ZFAND3: variants seen among roughly 807,000 people sequenced by gnomAD.
The protein encoded by ZFAND3 is zinc finger AN1-type containing 3, also known as AN1-type zinc finger protein 3.
Under a neutral mutation model 29.6 loss-of-function variants are expected in ZFAND3, and 10 were observed. The ratio of observed to expected loss-of-function variants is 0.34; its 90% CI spans 0.21 to 0.57. The LOEUF is 0.57. Ranked by LOEUF, ZFAND3 falls within the 20% of genes least tolerant of loss-of-function variation. The pLI is 0.86. For missense variants in ZFAND3, 230 were observed against 304.5 expected (o/e 0.76, Z 1.82); for synonymous variants, 128 against 112.6 (o/e 1.14, Z -0.87).
chr6:38,024,104 C>G (rs1763401367), intron 2 of ZFAND3, among the ~76,000 whole-genome samples: 1 of 152,126 alleles, frequency 6.6e-6, no homozygotes, highest in South Asian at 2.1e-4. Context: ...TTCAGTATTC[C>G]TTTCTTTAAA....
chr6:38,049,512 C>T (rs1406672417), intron 2 of ZFAND3, among the ~76,000 whole-genome samples: 1 of 152,196 alleles, frequency 6.6e-6, no homozygotes, highest in Non-Finnish European at 1.5e-5. Flanking sequence ...TACACACACC[C>T]TACTGGGACA....
chr6:38,077,584 G>T (rs374545937), intron 3 of ZFAND3, among the ~76,000 whole-genome samples: 2 of 152,118 alleles, frequency 1.3e-5, no homozygotes, highest in Non-Finnish European at 2.9e-5. Context: ...GACCAATTCC[G>T]TGGTAGTCTA....
Position 37,981,612 on chromosome 6 carries a change from T to C in ZFAND3, c.112+51613T>C, listed in dbSNP as rs1762580618. On this transcript the variant is annotated intron_variant, in intron 2 of 5. Transcript: ENST00000287218. ...ATTTAAAATTTGTAATATGTAAATATATATGTGTATGTTTTTGATGGGAAA... is the reference window on the plus strand; with the variant it reads ...ATTTAAAATTTGTAATATGTAAATACATATGTGTATGTTTTTGATGGGAAA... 2.0e-5 allele frequency among the ~76,000 whole-genome samples: 3 copies of C among 152,178 alleles called. 1 individual carries two copies. In the South Asian group the frequency reaches 6.2e-4, roughly 32 times the overall value.
intron 1 of ZFAND3, among the ~76,000 whole-genome samples, chr6:37,835,356 C>T (rs995953205): frequency 8.6e-5 from 13 of 151,930 alleles, no homozygotes; most frequent in African/African-American, 2.4e-4. Flanking sequence ...AGGGTTTCAC[C>T]ATGTTGCCCA....
chr6:37,979,634 T>C (rs1478521685), intron 2 of ZFAND3, among the ~76,000 whole-genome samples: 1 of 152,234 alleles, frequency 6.6e-6, no homozygotes, highest in Non-Finnish European at 1.5e-5. Flanking sequence ...ACAGGCACTA[T>C]TCCTTGCCCT....
intron 1 of ZFAND3, among the ~76,000 whole-genome samples, chr6:37,860,846 G>A (rs1006309908): frequency 2.5e-4 from 38 of 151,984 alleles, no homozygotes; most frequent in Middle Eastern, 3.4e-3. Flanking sequence ...GCACTGATAG[G>A]TGTTGAGGTG....
intron 2 of ZFAND3, among the ~76,000 whole-genome samples, chr6:38,041,825 C>T (rs376685237): frequency 0.014 from 28 of 1,964 alleles, 14 homozygotes; most frequent in Non-Finnish European, 0.12. Context: ...TTCTTCTCCT[C>T]CTTTTTTTTT....
In ZFAND3 at chr6:37,860,655, T is replaced by TTG. The variant is rs1554149733; in HGVS notation, c.71+40640_71+40641insGT. On this transcript the variant is annotated intron_variant, in intron 1 of 5. Coordinates refer to ENST00000287218, the MANE Select transcript of ZFAND3 (RefSeq NM_021943.3). ...TCACTTAGTTTTTTTTTTTTTTTTTTTTAAGTAGGTTTAGATTTTAGTTAA... is the reference window on the plus strand; with the variant it reads ...TCACTTAGTTTTTTTTTTTTTTTTTTTGTTAAGTAGGTTTAGATTTTAGTTAA... 0.016 allele frequency among the ~76,000 whole-genome samples: 2,360 copies of TTG among 144,412 alleles called. 139 individuals are homozygous for TTG. In the East Asian group the frequency reaches 0.24, roughly 15 times the overall value. 94.7% of individuals were successfully genotyped at this position (144,412 alleles called of 152,430 possible).
At chr6:38,112,933 C>T (rs977762533) in intron 4 of ZFAND3, among the ~76,000 whole-genome samples, 3 of 152,052 alleles carry the variant, frequency 2.0e-5, no homozygotes, top group Non-Finnish European at 4.4e-5. Context: ...GAGAAAATGC[C>T]GGAGAATGGT....
chr6:37,894,912 G>A (rs1330532941), intron 1 of ZFAND3, among the ~76,000 whole-genome samples: 1 of 152,012 alleles, frequency 6.6e-6, no homozygotes, highest in Non-Finnish European at 1.5e-5. Flanking sequence ...TGATTTTCCT[G>A]GCTGCTTTTA....
chr6:37,835,809 G>A (rs868546896), intron 1 of ZFAND3, among the ~76,000 whole-genome samples: 5 of 151,972 alleles, frequency 3.3e-5, no homozygotes, highest in Non-Finnish European at 7.4e-5. Context: ...TTCAGTTAAC[G>A]TATCTTGGAA....
intron 2 of ZFAND3, among the ~76,000 whole-genome samples, chr6:38,005,175 C>T (rs1763027496): frequency 6.6e-6 from 1 of 152,112 alleles, no homozygotes; most frequent in Non-Finnish European, 1.5e-5. Context: ...TCTTTAGTGC[C>T]ATTTCAAACC....
chr6:38,105,096 C>CA (rs1765181293), intron 4 of ZFAND3, among the ~76,000 whole-genome samples: 1 of 152,190 alleles, frequency 6.6e-6, no homozygotes, highest in African/African-American at 2.4e-5. Context: ...GTTGTAACAC[C>CA]AAAATGAGTT....
chr6:38,044,985 A>T (rs923757751), intron 2 of ZFAND3, among the ~76,000 whole-genome samples: 1 of 152,008 alleles, frequency 6.6e-6, no homozygotes, highest in Non-Finnish European at 1.5e-5. Context: ...TAGATCTGTT[A>T]CTTAGACTTG....
intron 2 of ZFAND3, among the ~76,000 whole-genome samples, chr6:38,043,389 C>T (rs896119860): frequency 1.3e-5 from 2 of 151,014 alleles, no homozygotes; most frequent in African/African-American, 2.4e-5. Flanking sequence ...CTCCCCCTCT[C>T]CTCTGCTCCC....
intron 1 of ZFAND3, among the ~76,000 whole-genome samples, chr6:37,837,619 G>A (rs779327941): frequency 4.0e-5 from 6 of 151,320 alleles, no homozygotes; most frequent in Non-Finnish European, 5.9e-5. Context: ...ATTCTCCTGC[G>A]TCAGCCTCCC....
intron 5 of ZFAND3, among the ~76,000 whole-genome samples, chr6:38,138,570 T>C (rs2127494231): frequency 6.6e-6 from 1 of 152,346 alleles, no homozygotes; most frequent in South Asian, 2.1e-4. Context: ...GCTGCCTTTC[T>C]CTTCCATCAG....
intron 3 of ZFAND3, among the ~76,000 whole-genome samples, chr6:38,080,826 CTCT>C (rs1228768843): frequency 1.3e-5 from 2 of 152,148 alleles, no homozygotes; most frequent in Admixed American, 1.3e-4. Flanking sequence ...TTCTCATTGT[CTCT>C]TCTTGTTCCC....
At chr6:38,150,923 C>T (rs1581963489) in intron 5 of ZFAND3, among the ~76,000 whole-genome samples, 1 of 152,150 alleles carries the variant, frequency 6.6e-6, no homozygotes, top group South Asian at 2.1e-4. Flanking sequence ...TGGACCTGAT[C>T]CAGGCCCACG....
Sources: allele counts gnomAD v4.1 joint callset (sites outside exome capture counted in the v4.1 genomes callset), GRCh38; gene constraint gnomAD v4.1.1; transcripts MANE v1.5; gene names NCBI Gene and HGNC (gene_info 2026-07-23, HGNC 2026-07-21).